The following FSHR variants were observed in gnomAD, a reference collection of about 807,000 sequenced individuals.
FSHR encodes follicle-stimulating hormone receptor.
Under a neutral mutation model 52.1 loss-of-function variants are expected in FSHR, and 46 were observed. The observed-to-expected ratio is 0.88, with a 90% CI of 0.70 to 1.13. The LOEUF (loss-of-function observed/expected upper bound fraction) is 1.13. Ranked by LOEUF, FSHR falls within the 50% of genes most tolerant of loss-of-function variation. FSHR has a pLI of 0.00. For synonymous variants in FSHR, 399 were observed against 309.6 expected (o/e 1.29, Z -3.03); for missense variants, 964 against 834.6 (o/e 1.16, Z -1.91).
chr2:49,100,177 G>A (rs1472130792), intron 1 of FSHR, among the ~76,000 whole-genome samples: 1 of 152,122 alleles, frequency 6.6e-6, no homozygotes, highest in Non-Finnish European at 1.5e-5. Flanking sequence ...GCACTGAAAT[G>A]ACTTGTGTAA....
chr2:49,075,883 A>G (rs1241838831), intron 1 of FSHR, among the ~76,000 whole-genome samples: 1 of 152,094 alleles, frequency 6.6e-6, no homozygotes, highest in South Asian at 2.1e-4. Context: ...GGAGTGAACC[A>G]CCTGTCTCTA....
chr2:48,972,072 C>G (rs904333910), intron 8 of FSHR, among the ~76,000 whole-genome samples: 1 of 152,120 alleles, frequency 6.6e-6, no homozygotes, highest in Non-Finnish European at 1.5e-5. Context: ...CAATTGCCTC[C>G]TTATAATCTC....
intron 8 of FSHR, among the ~76,000 whole-genome samples, chr2:48,974,851 ACATACACACACACT>A (rs1241895020): frequency 6.6e-6 from 1 of 152,150 alleles, no homozygotes; most frequent in Non-Finnish European, 1.5e-5. Flanking sequence ...TTCTCCTAAA[ACATACACACACACT>A]CATACACACA....
At chr2:49,034,308 T>C (rs1668203928) in intron 2 of FSHR, among the ~76,000 whole-genome samples, 2 of 152,164 alleles carry the variant, frequency 1.3e-5, no homozygotes, top group Non-Finnish European at 2.9e-5. Context: ...TTTCAGAGTA[T>C]TGCCTGACCC....
chr2:49,039,298 G>A (rs1668400621), intron 2 of FSHR, among the ~76,000 whole-genome samples: 1 of 152,122 alleles, frequency 6.6e-6, no homozygotes, highest in Non-Finnish European at 1.5e-5. Context: ...TACCAAGCCT[G>A]TAATTTGAAG....
chr2:48,999,315 A>T (rs1035673131), intron 4 of FSHR, among the ~76,000 whole-genome samples: 3 of 152,046 alleles, frequency 2.0e-5, no homozygotes, highest in African/African-American at 7.2e-5. Context: ...CTCATATTAG[A>T]GTTGAGGATG....
At chr2:49,001,850 G>A (rs944829298) in intron 4 of FSHR, among the ~76,000 whole-genome samples, 7 of 152,086 alleles carry the variant, frequency 4.6e-5, no homozygotes, top group Non-Finnish European at 8.8e-5. Context: ...CCTGGCTTCA[G>A]TTCTTAATTA....
chr2:49,115,738 A>T (rs2103765240), intron 1 of FSHR, among the ~76,000 whole-genome samples: 1 of 152,258 alleles, frequency 6.6e-6, no homozygotes, highest in East Asian at 1.9e-4. Context: ...CTGTAGTGCC[A>T]AGGTGTCTTC....
chr2:49,127,882 TCTTCTTC>T (rs1672113855), intron 1 of FSHR, among the ~76,000 whole-genome samples: 3 of 46,626 alleles, frequency 6.4e-5, no homozygotes, highest in East Asian at 7.7e-4. Context: ...TTCTTCTTCT[TCTTCTTC>T]TTCTTCTTCT....
chr2:48,999,856 T>C lies in FSHR; in HGVS notation c.375-9219A>G, dbSNP rs369686524. ...ATACTGACTTTGGACTCCCACATCATTGTATAGTATATCCTGAGTTTGGTG... is the reference window on the plus strand; with the variant it reads ...ATACTGACTTTGGACTCCCACATCACTGTATAGTATATCCTGAGTTTGGTG... On this transcript the variant is annotated intron_variant, in intron 4 of 9. Coordinates refer to ENST00000406846, the MANE Select transcript of FSHR (RefSeq NM_000145.4). 3.9e-4 allele frequency among the ~76,000 whole-genome samples: 60 copies of C among 152,288 alleles called. 1 individual carries two copies. The East Asian group carries it at 9.5e-3, about 24-fold the overall frequency.
chr2:48,977,948 C>A (rs1342806673), intron 8 of FSHR, among the ~76,000 whole-genome samples: 2 of 152,144 alleles, frequency 1.3e-5, no homozygotes, highest in Non-Finnish European at 2.9e-5. Flanking sequence ...TTTGGTCTTT[C>A]TTTTAAAAAT....
chr2:49,132,766 C>G (rs755870008), intron 1 of FSHR, among the ~76,000 whole-genome samples: 1 of 152,026 alleles, frequency 6.6e-6, no homozygotes, highest in Non-Finnish European at 1.5e-5. Flanking sequence ...CCCACTTACT[C>G]TCTGCTTTGC....
chr2:49,086,766 A>G (rs1670408316), intron 1 of FSHR, among the ~76,000 whole-genome samples: 1 of 152,094 alleles, frequency 6.6e-6, no homozygotes, highest in South Asian at 2.1e-4. Context: ...TCAGCCTCCC[A>G]GGTAGCTGGG....
At chr2:48,993,089 C>T (rs1027072675) in intron 4 of FSHR, among the ~76,000 whole-genome samples, 3 of 152,070 alleles carry the variant, frequency 2.0e-5, no homozygotes, top group African/African-American at 7.2e-5. Context: ...TTTGTTGATT[C>T]CTTTTTCTCT....
intron 2 of FSHR, among the ~76,000 whole-genome samples, chr2:49,034,555 C>G (rs529833008): frequency 1.3e-5 from 2 of 152,278 alleles, no homozygotes; most frequent in Admixed American, 1.3e-4. Context: ...GAGTAAAAAA[C>G]TGTCTCTTAT....
intron 1 of FSHR, among the ~76,000 whole-genome samples, chr2:49,149,006 T>C (rs755423978): frequency 3.3e-5 from 5 of 151,926 alleles, no homozygotes; most frequent in African/African-American, 4.8e-5. Context: ...AATTAGGAAG[T>C]AATTATATAA....
At chr2:48,980,908 G>T (rs1207142061) in intron 8 of FSHR, among the ~76,000 whole-genome samples, 1 of 152,054 alleles carries the variant, frequency 6.6e-6, no homozygotes. Context: ...ATTCAATATT[G>T]TACCTGGTAC....
At chr2:49,063,399 C>T (rs889819916) in intron 2 of FSHR, among the ~76,000 whole-genome samples, 1 of 151,496 alleles carries the variant, frequency 6.6e-6, no homozygotes, top group Non-Finnish European at 1.5e-5. Context: ...CCAACTTACA[C>T]GTTCACAAAT....
At chr2:49,085,272 A>G in intron 1 of FSHR, among the ~76,000 whole-genome samples, 1 of 152,282 alleles carries the variant, frequency 6.6e-6, no homozygotes, top group Non-Finnish European at 1.5e-5. Context: ...AGATGCAGAA[A>G]AGGCCTTTGA....
Sources: gnomAD v4.1 joint callset for allele counts (sites outside exome capture counted in the v4.1 genomes callset) on GRCh38, gnomAD v4.1.1 for gene constraint, MANE v1.5 for transcripts, NCBI Gene and HGNC (gene_info 2026-07-23, HGNC 2026-07-21) for gene names.